The following DYNC2H1 variants were observed in gnomAD, a reference collection of about 807,000 sequenced individuals.
The protein encoded by DYNC2H1 is dynein cytoplasmic 2 heavy chain 1.
DYNC2H1 carries 410 observed loss-of-function variants against 570.0 expected under a neutral mutation model. That is an observed-to-expected ratio of 0.72 (90% CI 0.66 to 0.78). The LOEUF is 0.78. Ranked by LOEUF, DYNC2H1 falls within the 30% of genes least tolerant of loss-of-function variation. The probability of loss-of-function intolerance (pLI) is 0.00; values close to 1 mark genes in which losing one functional copy is unlikely to be tolerated. For missense variants in DYNC2H1, 4,865 were observed against 5,046.4 expected (o/e 0.96, Z 1.09); for synonymous variants, 1,688 against 1,677.6 (o/e 1.01, Z -0.15).
At chr11:103,379,677 G>A (rs905099896) in intron 83 of DYNC2H1, among the ~76,000 whole-genome samples, 25 of 152,034 alleles carry the variant, frequency 1.6e-4, no homozygotes, top group African/African-American at 5.8e-4. Flanking sequence ...TTACGTCTAA[G>A]CTTCTTCTAT....
chr11:103,169,192 A>G (rs991028630), intron 32 of DYNC2H1, among the ~76,000 whole-genome samples: 6 of 152,170 alleles, frequency 3.9e-5, no homozygotes, highest in African/African-American at 1.4e-4. Flanking sequence ...ATTCTCAAAA[A>G]TGTACCTTTT....
Position 103,321,117 on chromosome 11 carries a change from A to G in DYNC2H1, c.11814A>G (p.Arg3938=), listed in dbSNP as rs779421973. ...GGRIDNYFDL[R]VLQSYLKQFF... ...GTATAGACAACTATTTTGACCTTAG[A>G]GTTCTTCAGTCATACCTGAAGCAGT... The change falls in exon 81 of 89, where the codon AGA becomes AGG. Residue 3938 remains arginine, a synonymous_variant. Coordinates refer to ENST00000375735, the MANE Select transcript of DYNC2H1 (RefSeq NM_001377.3). The G allele has an allele frequency of 2.5e-6, 4 of 1,612,580 alleles. No homozygotes were observed. The highest frequency in any genetic ancestry group is 1.6e-4 in the Middle Eastern group (1 of 6,068).
chr11:103,211,731 C>G, intron 53 of DYNC2H1, 58 bp from the exon 54 acceptor site: 1 of 690,672 alleles, frequency 1.4e-6, no homozygotes, highest in South Asian at 3.3e-5. Context: ...GATATTTTCT[C>G]TTATTTTTAA....
At chr11:103,132,017 T>G (rs1859303189) in intron 13 of DYNC2H1, among the ~76,000 whole-genome samples, 1 of 152,128 alleles carries the variant, frequency 6.6e-6, no homozygotes, top group Admixed American at 6.5e-5. Context: ...TTTTTTGAAT[T>G]TATTGTTTTT....
At chr11:103,222,264 A>G (rs946253181) in intron 58 of DYNC2H1, 111 bp downstream of exon 58, 1 of 743,770 alleles carries the variant, frequency 1.3e-6, no homozygotes. Context: ...AAAAATGAAA[A>G]TAAAAAATAA....
chr11:103,293,941 G>T (rs568214996), intron 75 of DYNC2H1, among the ~76,000 whole-genome samples: 4 of 152,140 alleles, frequency 2.6e-5, no homozygotes, highest in Admixed American at 2.6e-4. Flanking sequence ...GCCAGGCATG[G>T]TGGCAGGCGC....
chr11:103,458,167 A>T (rs532817359), intron 87 of DYNC2H1, among the ~76,000 whole-genome samples: 14 of 152,336 alleles, frequency 9.2e-5, no homozygotes, highest in African/African-American at 2.6e-4. Context: ...TGCCCTGAAC[A>T]GGTATAGGAT....
chr11:103,365,225 G>A (rs1465009748), intron 83 of DYNC2H1, among the ~76,000 whole-genome samples: 1 of 152,096 alleles, frequency 6.6e-6, no homozygotes, highest in African/African-American at 2.4e-5. Context: ...GCTGGGCATG[G>A]TGGCACATTC....
intron 82 of DYNC2H1, among the ~76,000 whole-genome samples, chr11:103,356,345 G>C (rs1190571880): frequency 6.6e-6 from 1 of 152,028 alleles, no homozygotes; most frequent in Non-Finnish European, 1.5e-5. Context: ...ATTACTGCCT[G>C]TTCTTTAAAA....
At chr11:103,421,927 CAAAAT>C (rs751622490) in intron 84 of DYNC2H1, among the ~76,000 whole-genome samples, 83 of 143,178 alleles carry the variant, frequency 5.8e-4, no homozygotes, top group Admixed American at 2.2e-3. Context: ...TTTTTTATAA[CAAAAT>C]AGACCACTAG....
intron 84 of DYNC2H1, among the ~76,000 whole-genome samples, chr11:103,413,002 C>T (rs954927135): frequency 6.6e-6 from 1 of 150,936 alleles, no homozygotes; most frequent in Non-Finnish European, 1.5e-5. Flanking sequence ...ATTCTTGTAC[C>T]ACCCCCCACC....
chr11:103,166,990 C>CTTTTTT (rs34816989), intron 31 of DYNC2H1, among the ~76,000 whole-genome samples: 5 of 56,976 alleles, frequency 8.8e-5, no homozygotes, highest in African/African-American at 1.4e-4. Context: ...GAGGCGCTGC[C>CTTTTTT]TTTTTTTTTT....
intron 70 of DYNC2H1, among the ~76,000 whole-genome samples, chr11:103,262,757 G>A (rs1252986026): frequency 6.6e-6 from 1 of 152,066 alleles, no homozygotes; most frequent in Non-Finnish European, 1.5e-5. Context: ...ATACCAAATT[G>A]TAAAGACCAT....
rs754889986 is a variant in DYNC2H1, at chr11:103,192,153, C to T, written c.7597C>T (p.Arg2533Cys). The change falls in exon 47 of 89, where the codon CGC (arginine) becomes TGC (cysteine). Residue 2533 changes from arginine (R) to cysteine (C), a missense_variant. Around this residue, in one of 5 missense-constraint regions of DYNC2H1, gnomAD observed 2,401 missense variants for 2,454.6 expected, o/e 0.98. Transcript: ENST00000375735. ...AGAAATTGTAGCATATGAGGCACGG[C>T]GCTTATTTCGTGACAAAATTGTTGG... is the stretch of plus-strand genomic sequence containing the variant. The part of the protein sequence containing the change: ...VLEIVAYEAR[R>C]LFRDKIVGAK... The T allele has an allele frequency of 4.6e-5, 72 of 1,566,440 alleles. 1 individual carries two copies. The Middle Eastern group carries it at 1.8e-3, about 40-fold the overall frequency.
intron 77 of DYNC2H1, among the ~76,000 whole-genome samples, chr11:103,306,360 G>T (rs111541003): frequency 1.3e-5 from 2 of 152,034 alleles, no homozygotes; most frequent in Non-Finnish European, 2.9e-5. Context: ...ATTAGAACTC[G>T]TAGAAACAGT....
chr11:103,251,329 A>G (rs1864822342), intron 65 of DYNC2H1, among the ~76,000 whole-genome samples: 2 of 152,138 alleles, frequency 1.3e-5, no homozygotes, highest in Non-Finnish European at 2.9e-5. Flanking sequence ...GAGTGGTTAC[A>G]CAAACTTTTT....
chr11:103,182,457 G>A (rs543887497), intron 40 of DYNC2H1, among the ~76,000 whole-genome samples: 1 of 151,720 alleles, frequency 6.6e-6, no homozygotes, highest in Non-Finnish European at 1.5e-5. Context: ...TATATGTGAA[G>A]CATAATACAA....
chr11:103,354,083 A>C (rs1430219629), intron 82 of DYNC2H1, among the ~76,000 whole-genome samples: 1 of 150,350 alleles, frequency 6.7e-6, no homozygotes, highest in Non-Finnish European at 1.5e-5. Flanking sequence ...AGGCTGAGGC[A>C]GGAGAATCAC....
At position 103,465,327 on chromosome 11, in the gene DYNC2H1, A is replaced by T. The variant is rs1253373665; in HGVS notation, c.12649-3262A>T. Among the ~76,000 whole-genome samples the T allele has an allele frequency of 6.6e-6, 1 of 152,204 alleles. No homozygotes were observed. The highest frequency in any genetic ancestry group is 1.9e-4 in the East Asian group (1 of 5,182). ...ATTTGAGAAGTGGAAAAATACAAGA[A>T]AGAAGAACTTAATGGTGAAAATGTC... On this transcript the variant is annotated intron_variant, in intron 87 of 88. Transcript: ENST00000375735. This position sits in a 1 kb window ranked among gnomAD's most constrained non-coding sequence, Gnocchi z 4.9.
Sources: allele counts gnomAD v4.1 joint callset (sites outside exome capture counted in the v4.1 genomes callset), GRCh38; gene constraint gnomAD v4.1.1; regional missense constraint gnomAD v4.1.1; non-coding constraint Gnocchi (gnomAD v3.1); transcripts MANE v1.5; gene names NCBI Gene and HGNC (gene_info 2026-07-23, HGNC 2026-07-21).